Variants in MAP4 observed in about 807,000 individuals in gnomAD.
The protein encoded by MAP4 is microtubule associated protein 4.
MAP4 carries 76 observed loss-of-function variants against 170.2 expected under a neutral mutation model. That is an observed-to-expected ratio of 0.45 (90% confidence interval 0.37 to 0.54). The LOEUF is 0.54. Ranked by LOEUF, MAP4 falls within the 20% of genes least tolerant of loss-of-function variation. The probability of loss-of-function intolerance (pLI) is 0.00; values close to 1 mark genes in which losing one functional copy is unlikely to be tolerated. For missense variants in MAP4, 2,506 were observed against 2,748.0 expected (o/e 0.91, Z 1.97); for synonymous variants, 909 against 994.5 (o/e 0.91, Z 1.62).
intron 3 of MAP4, among the ~76,000 whole-genome samples, chr3:47,952,260 G>C: frequency 6.7e-6 from 1 of 149,668 alleles, no homozygotes; most frequent in East Asian, 2.0e-4. Flanking sequence ...GAGGGAGGTG[G>C]GGGGGTCAGC....
chr3:47,866,441 C>G (rs1559816757), intron 17 of MAP4, among the ~76,000 whole-genome samples: 1 of 149,974 alleles, frequency 6.7e-6, no homozygotes, highest in Non-Finnish European at 1.5e-5. Context: ...AGAAAATGGA[C>G]AAAAAAAAGG....
chr3:48,029,392 C>T (rs1304579743), intron 1 of MAP4, among the ~76,000 whole-genome samples: 2 of 151,908 alleles, frequency 1.3e-5, no homozygotes, highest in Non-Finnish European at 2.9e-5. Flanking sequence ...GCCGAGATGG[C>T]GCCACTGAAC....
At chr3:48,009,879 C>T (rs998912876) in intron 1 of MAP4, among the ~76,000 whole-genome samples, 11 of 152,112 alleles carry the variant, frequency 7.2e-5, no homozygotes, top group African/African-American at 2.7e-4. Context: ...AACAATGATT[C>T]CATTAAACTG....
At chr3:48,064,933 C>T (rs1406498611) in intron 1 of MAP4, among the ~76,000 whole-genome samples, 2 of 152,076 alleles carry the variant, frequency 1.3e-5, no homozygotes, top group African/African-American at 4.8e-5. Context: ...GAAAAATTTT[C>T]AGCTCCACTA....
At chr3:48,002,339 T>G (rs1425304187) in intron 1 of MAP4, among the ~76,000 whole-genome samples, 1 of 151,424 alleles carries the variant, frequency 6.6e-6, no homozygotes, top group Non-Finnish European at 1.5e-5. Context: ...AGTGGGAGGA[T>G]TACTTGAGAC....
intron 17 of MAP4, among the ~76,000 whole-genome samples, chr3:47,858,731 G>A (rs757727402): frequency 6.6e-6 from 1 of 152,040 alleles, no homozygotes; most frequent in Non-Finnish European, 1.5e-5. Context: ...AGCACTTTGG[G>A]AGGCTGAGGC....
chr3:47,874,872 T>G (rs1038788486), intron 12 of MAP4, among the ~76,000 whole-genome samples: 2 of 152,146 alleles, frequency 1.3e-5, no homozygotes, highest in Non-Finnish European at 1.5e-5. Context: ...CATTTTAACA[T>G]GGGAAACTAT....
chr3:48,044,450 C>T (rs1365411222), intron 1 of MAP4, among the ~76,000 whole-genome samples: 4 of 151,950 alleles, frequency 2.6e-5, no homozygotes, highest in African/African-American at 7.2e-5. Flanking sequence ...CCACAGTGCC[C>T]GGCCGCCACT....
At position 47,891,348 on chromosome 3, in the gene MAP4, T is replaced by A. The variant is rs557015039; in HGVS notation, c.5434+11602A>T. 1.2e-5 allele frequency: 19 copies of A among 1,536,152 alleles called. 1 individual carries two copies. The South Asian group carries it at 2.3e-4, about 18-fold the overall frequency. ...GGTTCCTCACAGATGAAAGGAGGTATCTCTTTAGTAGACAAGATGGGCAGT... is the reference window on the plus strand; with the variant it reads ...GGTTCCTCACAGATGAAAGGAGGTAACTCTTTAGTAGACAAGATGGGCAGT... On this transcript the variant is annotated intron_variant, in intron 10 of 20. Transcript: ENST00000683076.
At chr3:47,877,272 A>T in intron 11 of MAP4, 145 bp downstream of exon 11, 1 of 641,238 alleles carries the variant, frequency 1.6e-6, no homozygotes, top group Admixed American at 2.6e-5. Context: ...AGAATACAAG[A>T]TATTTTCTAA....
rs749992944 is a variant in MAP4 at position 47,910,277 on chromosome 3, C to T, written c.4144G>A (p.Glu1382Lys). 11 of 1,601,440 alleles carry T rather than the reference C, an allele frequency of 6.9e-6. No homozygotes were observed. The highest frequency in any genetic ancestry group is 8.5e-6 in the Non-Finnish European group (10 of 1,178,324). Residue 1382 changes from glutamate (E) to lysine (K), a missense_variant, in exon 9 of 21, where the codon GAG (glutamate) becomes AAG (lysine). Glu to Lys is a moderately conservative substitution (Grantham distance 56). Transcript: ENST00000683076. The part of the protein sequence containing the change: ...KNSSPEKHIL[E>K]NKIDATKIHV... Reference sequence around the variant, plus strand: ...ATTTTTGTTGCATCTATCTTATTCTCCAGAATGTGCTTCTCAGGAGAACTA... The same window carrying T: ...ATTTTTGTTGCATCTATCTTATTCTTCAGAATGTGCTTCTCAGGAGAACTA...
intron 10 of MAP4, among the ~76,000 whole-genome samples, chr3:47,878,710 G>C (rs1235593990): frequency 1.3e-5 from 2 of 152,006 alleles, no homozygotes; most frequent in Non-Finnish European, 2.9e-5. Flanking sequence ...GCTAATTTCT[G>C]TATTTTTAGT....
chr3:47,881,482 A>C (rs1012059853), intron 10 of MAP4, among the ~76,000 whole-genome samples: 2 of 98,320 alleles, frequency 2.0e-5, no homozygotes, highest in African/African-American at 7.4e-5. Flanking sequence ...ATATATATAT[A>C]TATATATATA....
At chr3:47,994,236 T>C (rs1390171316) in intron 2 of MAP4, among the ~76,000 whole-genome samples, 1 of 152,154 alleles carries the variant, frequency 6.6e-6, no homozygotes, top group African/African-American at 2.4e-5. Context: ...TCCAAAAAAT[T>C]TGGATTCCTT....
At position 47,871,214 on chromosome 3, in the gene MAP4, G is replaced by A. The variant is rs955135660; in HGVS notation, c.6001+13C>T. The A allele has an allele frequency of 6.2e-7, 1 of 1,614,006 alleles. No individual in the cohort carries two copies. Among genetic ancestry groups the A allele is most frequent in the African/African-American group, 1.3e-5 (1 of 74,926 alleles). Reference sequence around the variant, plus strand: ...CAAGTTAGGGCTCTACAAAATGGCGGATGGGCTATTACCTGGTACAGACTT... The same window carrying A: ...CAAGTTAGGGCTCTACAAAATGGCGAATGGGCTATTACCTGGTACAGACTT... On this transcript the variant is annotated intron_variant, in intron 14 of 20. Coordinates refer to ENST00000683076, the MANE Select transcript of MAP4 (RefSeq NM_001385682.1).
At chr3:48,011,811 ATT>A (rs1251431547) in intron 1 of MAP4, among the ~76,000 whole-genome samples, 5 of 152,126 alleles carry the variant, frequency 3.3e-5, no homozygotes, top group Non-Finnish European at 7.4e-5. Context: ...CGGTTATGCC[ATT>A]TCCCTATTCT....
chr3:47,917,381 A>G (rs1434664015), intron 6 of MAP4, among the ~76,000 whole-genome samples: 3 of 152,182 alleles, frequency 2.0e-5, no homozygotes, highest in Admixed American at 6.5e-5. Context: ...TGAGGTCAGG[A>G]GTTCGAGACC....
chr3:48,072,933 G>C (rs1200336074), intron 1 of MAP4, among the ~76,000 whole-genome samples: 2 of 152,094 alleles, frequency 1.3e-5, no homozygotes, highest in South Asian at 2.1e-4. Flanking sequence ...CCAGTGACAA[G>C]ATATATTTAA....
chr3:48,028,121 A>T (rs1415833386), intron 1 of MAP4, among the ~76,000 whole-genome samples: 1 of 152,070 alleles, frequency 6.6e-6, no homozygotes, highest in Non-Finnish European at 1.5e-5. Flanking sequence ...GTGAAACCTC[A>T]TCTCTACTAA....
Sources: allele counts gnomAD v4.1 joint callset (sites outside exome capture counted in the v4.1 genomes callset), GRCh38; gene constraint gnomAD v4.1.1; transcripts MANE v1.5; gene names NCBI Gene and HGNC (gene_info 2026-07-23, HGNC 2026-07-21).